The following TMEM232 variants were observed in gnomAD, a reference collection of about 807,000 sequenced individuals.
TMEM232 encodes the protein transmembrane protein 232.
TMEM232 carries 80 observed loss-of-function variants against 78.8 expected under a neutral mutation model. That is an observed-to-expected ratio of 1.01 (90% CI 0.85 to 1.22). The LOEUF (loss-of-function observed/expected upper bound fraction) is 1.22, where lower values mean the gene tolerates loss of function less well. Among genes scored for constraint, TMEM232 ranks in the 50% most tolerant of loss-of-function variants. TMEM232 has a pLI of 0.00. For synonymous variants in TMEM232, 297 were observed against 254.3 expected (o/e 1.17, Z -1.60); for missense variants, 881 against 742.2 (o/e 1.19, Z -2.17).
downstream of TMEM232, among the ~76,000 whole-genome samples, chr5:110,417,222 G>A (rs1029899986): frequency 4.6e-5 from 7 of 152,066 alleles, no homozygotes; most frequent in African/African-American, 9.7e-5. Flanking sequence ...CCTGAGATAC[G>A]TTAACACTTT....
chr5:110,449,082 G>T (rs1759982832), intron 12 of TMEM232, among the ~76,000 whole-genome samples: 1 of 151,960 alleles, frequency 6.6e-6, no homozygotes, highest in African/African-American at 2.4e-5. Flanking sequence ...AAATGAAAAT[G>T]ATTGTTAGGA....
intron 6 of TMEM232, among the ~76,000 whole-genome samples, chr5:110,626,518 CCTTT>C (rs1397597264): frequency 1.3e-5 from 2 of 151,860 alleles, no homozygotes; most frequent in African/African-American, 4.8e-5. Context: ...AATATAATTC[CCTTT>C]CTTTATCTTG....
intron 2 of TMEM232, among the ~76,000 whole-genome samples, 181 bp downstream of exon 2, chr5:110,667,047 G>T (rs190168916): frequency 6.6e-6 from 1 of 151,908 alleles, no homozygotes; most frequent in East Asian, 1.9e-4. Flanking sequence ...CAAACAAAAC[G>T]TGTAGAATTC....
downstream of TMEM232, among the ~76,000 whole-genome samples, chr5:110,415,321 G>C (rs544329245): frequency 4.6e-5 from 7 of 151,844 alleles, no homozygotes; most frequent in African/African-American, 1.7e-4. Context: ...CCGAGTAGCT[G>C]GGACTACAGG....
intron 11 of TMEM232, among the ~76,000 whole-genome samples, chr5:110,544,381 A>G (rs2149589122): frequency 6.6e-6 from 1 of 151,682 alleles, no homozygotes; most frequent in East Asian, 1.9e-4. Context: ...GCATTAATGC[A>G]GGAAGAAAAT....
intron 10 of TMEM232, among the ~76,000 whole-genome samples, chr5:110,572,009 C>T (rs1322485795): frequency 6.6e-6 from 1 of 151,844 alleles, no homozygotes; most frequent in Non-Finnish European, 1.5e-5. Flanking sequence ...AGGAGATTGG[C>T]AAGGAAGGGG....
At chr5:110,458,271 CT>C (rs369663327) in intron 12 of TMEM232, among the ~76,000 whole-genome samples, 6 of 150,970 alleles carry the variant, frequency 4.0e-5, no homozygotes, top group Admixed American at 3.3e-4. Context: ...GTTTTGTCAT[CT>C]TTTTTTTGTT....
chr5:110,730,601 C>T (rs573322849), upstream of TMEM232, among the ~76,000 whole-genome samples: 9 of 152,168 alleles, frequency 5.9e-5, no homozygotes, highest in East Asian at 1.7e-3. Flanking sequence ...AGGTGAAAGG[C>T]ACTTCTTACA....
Position 110,606,334 on chromosome 5 carries a change from T to A in TMEM232, c.903-47A>T, listed in dbSNP as rs1194687146. On this transcript the variant is annotated intron_variant, in intron 8 of 13. Coordinates refer to ENST00000455884, the MANE Select transcript of TMEM232 (RefSeq NM_001039763.4). ...GGATAAAGATTTTAATGGAAAATAA[T>A]AATAATAATCAACTTTTAATGTGAA... 13 of 1,445,276 alleles carry A rather than the reference T, an allele frequency of 9.0e-6. No homozygotes were observed. In the Admixed American group the frequency reaches 2.8e-4, roughly 31 times the overall value. The allele number at this position is 1,445,276 out of a possible 1,614,324, so 89.5% of individuals were successfully genotyped here.
intron 12 of TMEM232, among the ~76,000 whole-genome samples, chr5:110,497,429 G>A (rs570043522): frequency 6.6e-6 from 1 of 152,188 alleles, no homozygotes; most frequent in Admixed American, 6.5e-5. Context: ...AGCATTCAAA[G>A]TGAATAAGAG....
chr5:110,578,007 G>A (rs1240550248), intron 10 of TMEM232, among the ~76,000 whole-genome samples: 1 of 151,682 alleles, frequency 6.6e-6, no homozygotes, highest in Non-Finnish European at 1.5e-5. Flanking sequence ...TAACAAAACT[G>A]TACTTGTATC....
At chr5:110,484,608 G>A (rs542111366) in intron 12 of TMEM232, among the ~76,000 whole-genome samples, 17 of 151,980 alleles carry the variant, frequency 1.1e-4, no homozygotes, top group South Asian at 4.2e-4. Flanking sequence ...CATATAGGCC[G>A]AAAGTAAAAA....
At chr5:110,502,711 T>C (rs1766408826) in intron 12 of TMEM232, among the ~76,000 whole-genome samples, 1 of 152,156 alleles carries the variant, frequency 6.6e-6, no homozygotes, top group Admixed American at 6.5e-5. Context: ...GTAGCCACAT[T>C]GCCCACGTTT....
intron 11 of TMEM232, among the ~76,000 whole-genome samples, chr5:110,559,213 C>A (rs1357804390): frequency 6.6e-6 from 1 of 152,040 alleles, no homozygotes; most frequent in Non-Finnish European, 1.5e-5. Context: ...GAATTGTAAA[C>A]CTAATCCTAA....
At chr5:110,466,209 C>A (rs541522013) in intron 12 of TMEM232, among the ~76,000 whole-genome samples, 10 of 152,214 alleles carry the variant, frequency 6.6e-5, no homozygotes, top group Admixed American at 1.3e-4. Context: ...GATATCACCA[C>A]AGAAAAGTAG....
chr5:110,555,919 G>A (rs920715425), intron 11 of TMEM232, among the ~76,000 whole-genome samples: 2 of 152,000 alleles, frequency 1.3e-5, no homozygotes, highest in African/African-American at 4.8e-5. Flanking sequence ...TTGAAGACAG[G>A]TCTTTCTTCT....
At chr5:110,623,855 T>C (rs892176334) in intron 7 of TMEM232, among the ~76,000 whole-genome samples, 9 of 152,180 alleles carry the variant, frequency 5.9e-5, no homozygotes, top group Non-Finnish European at 7.4e-5. Flanking sequence ...TTAGAAGAGA[T>C]TGAATCTAAG....
chr5:110,603,931 T>G (rs1047881129), intron 10 of TMEM232, among the ~76,000 whole-genome samples: 7 of 152,292 alleles, frequency 4.6e-5, no homozygotes, highest in African/African-American at 1.7e-4. Flanking sequence ...TCAATCATAA[T>G]TTCCCCCAAA....
intron 12 of TMEM232, among the ~76,000 whole-genome samples, chr5:110,478,428 A>T (rs954255883): frequency 2.6e-5 from 4 of 151,936 alleles, no homozygotes; most frequent in Non-Finnish European, 5.9e-5. Context: ...GAGAATTGCG[A>T]TAATTGTCTC....
Sources: gnomAD v4.1 joint callset for allele counts (sites outside exome capture counted in the v4.1 genomes callset) on GRCh38, gnomAD v4.1.1 for gene constraint, MANE v1.5 for transcripts, NCBI Gene and HGNC (gene_info 2026-07-23, HGNC 2026-07-21) for gene names.